Variants in SGCZ observed in about 807,000 individuals in gnomAD.
The protein encoded by SGCZ is sarcoglycan zeta, also known as zeta-sarcoglycan.
A neutral mutation model predicts 41.3 loss-of-function variants in SGCZ; 40 were observed. That is an observed-to-expected ratio of 0.97 (90% CI 0.75 to 1.26). The LOEUF (loss-of-function observed/expected upper bound fraction) is 1.26. Ranked by LOEUF, SGCZ falls within the 50% of genes most tolerant of loss-of-function variation. SGCZ has a pLI of 0.00. For synonymous variants in SGCZ, 206 were observed against 137.5 expected, an observed-to-expected ratio of 1.50 and a Z score of -3.49; for missense variants, 552 against 369.8, an observed-to-expected ratio of 1.49 and a Z score of -4.04.
intron 3 of SGCZ, among the ~76,000 whole-genome samples, chr8:14,290,033 T>C (rs565869189): frequency 2.9e-4 from 44 of 152,082 alleles, no homozygotes; most frequent in Non-Finnish European, 5.1e-4. Flanking sequence ...GAGAACAGCA[T>C]GGAGGAAGCT....
intron 1 of SGCZ, among the ~76,000 whole-genome samples, chr8:14,946,134 T>A (rs1308394608): frequency 1.4e-5 from 2 of 146,262 alleles, no homozygotes; most frequent in Non-Finnish European, 1.5e-5. Context: ...ACTACATTTG[T>A]TTTGATTTAC....
intron 1 of SGCZ, among the ~76,000 whole-genome samples, chr8:14,734,933 T>C (rs1440750042): frequency 2.0e-5 from 3 of 152,216 alleles, no homozygotes; most frequent in Non-Finnish European, 4.4e-5. Context: ...GAATGGGTAT[T>C]CTGATTCATC....
intron 1 of SGCZ, among the ~76,000 whole-genome samples, chr8:15,004,178 T>A (rs962740716): frequency 6.6e-6 from 1 of 152,082 alleles, no homozygotes; most frequent in Non-Finnish European, 1.5e-5. Context: ...ATACATGCTG[T>A]TAAGGACGGC....
intron 1 of SGCZ, among the ~76,000 whole-genome samples, chr8:14,942,045 A>G (rs986634950): frequency 2.0e-5 from 3 of 152,036 alleles, no homozygotes; most frequent in Admixed American, 2.0e-4. Flanking sequence ...AGCCTCTGTA[A>G]TGGGTCAATA....
intron 1 of SGCZ, among the ~76,000 whole-genome samples, chr8:14,626,383 C>G (rs186509273): frequency 6.6e-6 from 1 of 152,204 alleles, no homozygotes; most frequent in African/African-American, 2.4e-5. Context: ...TTAGTTCCCA[C>G]TTTCTCTCTC....
intron 3 of SGCZ, among the ~76,000 whole-genome samples, chr8:14,281,294 G>T (rs1800424617): frequency 6.6e-6 from 1 of 151,848 alleles, no homozygotes; most frequent in Non-Finnish European, 1.5e-5. Flanking sequence ...TTTGTTTCAT[G>T]ATTATGTGCT....
At chr8:14,999,098 T>C (rs1396028420) in intron 1 of SGCZ, among the ~76,000 whole-genome samples, 1 of 152,228 alleles carries the variant, frequency 6.6e-6, no homozygotes, top group Non-Finnish European at 1.5e-5. Flanking sequence ...TATCTCTTAC[T>C]GATTCTGACT....
intron 1 of SGCZ, among the ~76,000 whole-genome samples, chr8:14,809,907 T>C (rs1801688237): frequency 6.6e-6 from 1 of 152,160 alleles, no homozygotes; most frequent in Admixed American, 6.6e-5. Context: ...AGAAACTATT[T>C]ACAGCTGATT....
intron 2 of SGCZ, among the ~76,000 whole-genome samples, chr8:14,533,772 C>A (rs1053852433): frequency 6.6e-6 from 1 of 151,858 alleles, no homozygotes; most frequent in Non-Finnish European, 1.5e-5. Context: ...TATCTTTCCT[C>A]CAAACAAGAA....
At chr8:14,555,947 T>C (rs1220161102) in intron 1 of SGCZ, among the ~76,000 whole-genome samples, 2 of 152,058 alleles carry the variant, frequency 1.3e-5, no homozygotes, top group African/African-American at 4.8e-5. Flanking sequence ...CTATATATTA[T>C]ACCATACTAT....
chr8:15,157,218 C>A (rs1262444189), intron 1 of SGCZ, among the ~76,000 whole-genome samples: 1 of 151,868 alleles, frequency 6.6e-6, no homozygotes, highest in Non-Finnish European at 1.5e-5. Flanking sequence ...TCCCTACTCA[C>A]AATATGATAT....
intron 1 of SGCZ, among the ~76,000 whole-genome samples, chr8:14,697,420 T>C (rs143299904): frequency 1.5e-4 from 23 of 152,216 alleles, no homozygotes; most frequent in African/African-American, 2.6e-4. Flanking sequence ...TCTAATATAC[T>C]GCTTATCTTT....
At chr8:14,636,061 T>C (rs541920207) in intron 1 of SGCZ, among the ~76,000 whole-genome samples, 2 of 150,960 alleles carry the variant, frequency 1.3e-5, no homozygotes, top group African/African-American at 2.4e-5. Flanking sequence ...ACTAACCTAG[T>C]AAAGGGGCAA....
intron 3 of SGCZ, among the ~76,000 whole-genome samples, chr8:14,295,913 C>G (rs2116957823): frequency 6.6e-6 from 1 of 152,182 alleles, no homozygotes; most frequent in East Asian, 1.9e-4. Flanking sequence ...GGTCTGTAGC[C>G]AAACATAAAG....
intron 1 of SGCZ, among the ~76,000 whole-genome samples, chr8:14,864,467 A>G (rs1196667459): frequency 6.6e-6 from 1 of 152,176 alleles, no homozygotes; most frequent in Non-Finnish European, 1.5e-5. Flanking sequence ...TTAGCATATA[A>G]CATACAATCT....
intron 1 of SGCZ, among the ~76,000 whole-genome samples, chr8:14,620,530 A>G (rs1277200519): frequency 6.6e-6 from 1 of 152,190 alleles, no homozygotes; most frequent in African/African-American, 2.4e-5. Context: ...AAATTTTTGC[A>G]ACCTACTTAT....
At chr8:14,997,743 T>C (rs1023605090) in intron 1 of SGCZ, among the ~76,000 whole-genome samples, 4 of 152,068 alleles carry the variant, frequency 2.6e-5, no homozygotes, top group Non-Finnish European at 4.4e-5. Flanking sequence ...GCGGACCACT[T>C]GAGGTCAGGA....
At chr8:14,941,724 T>C (rs1427160353) in intron 1 of SGCZ, among the ~76,000 whole-genome samples, 1 of 151,898 alleles carries the variant, frequency 6.6e-6, no homozygotes, top group Non-Finnish European at 1.5e-5. Context: ...TGTACATCTA[T>C]TCATACGTTT....
intron 1 of SGCZ, among the ~76,000 whole-genome samples, chr8:14,933,045 A>G (rs1288848070): frequency 6.6e-6 from 1 of 152,022 alleles, no homozygotes. Context: ...AATGGGGACT[A>G]TGACAGCAGG....
Sources: gnomAD v4.1 joint callset for allele counts (sites outside exome capture counted in the v4.1 genomes callset) on GRCh38, gnomAD v4.1.1 for gene constraint, MANE v1.5 for transcripts, NCBI Gene and HGNC (gene_info 2026-07-23, HGNC 2026-07-21) for gene names.